TMEM232: variants seen among roughly 807,000 people sequenced by gnomAD.
TMEM232 encodes transmembrane protein 232.
TMEM232 carries 80 observed loss-of-function variants against 78.8 expected under a neutral mutation model. The ratio of observed to expected loss-of-function variants is 1.01; its 90% CI spans 0.85 to 1.22. TMEM232 has a LOEUF of 1.22. Ranked by LOEUF, TMEM232 falls within the 50% of genes most tolerant of loss-of-function variation. The pLI is 0.00. For synonymous variants in TMEM232, 297 were observed against 254.3 expected, an observed-to-expected ratio of 1.17 and a Z score of -1.60; for missense variants, 881 against 742.2, an observed-to-expected ratio of 1.19 and a Z score of -2.17.
intron 10 of TMEM232, among the ~76,000 whole-genome samples, chr5:110,594,586 C>T (rs928368550): frequency 1.3e-5 from 2 of 152,182 alleles, no homozygotes; most frequent in Admixed American, 6.5e-5. Context: ...GCACAGCAGT[C>T]TGAAGGCAGC....
In TMEM232 at chr5:110,698,778, A is replaced by T. The variant is rs531133215; in HGVS notation, c.-13+27849T>A. 1.1e-4 allele frequency among the ~76,000 whole-genome samples: 17 copies of T among 152,222 alleles called. 2 individuals are homozygous for T. The South Asian group carries it at 2.7e-3, about 24-fold the overall frequency. ...TTCTAAATTGCTACGAAGAAAGGAA[A>T]GAAAAGTAAGGTCAACCAAGCATTG... On this transcript the variant is annotated intron_variant, in intron 1 of 13. Coordinates refer to ENST00000455884, the MANE Select transcript of TMEM232 (RefSeq NM_001039763.4).
chr5:110,533,919 A>G (rs1771930331), intron 11 of TMEM232, among the ~76,000 whole-genome samples: 1 of 151,702 alleles, frequency 6.6e-6, no homozygotes, highest in Non-Finnish European at 1.5e-5. Context: ...GTTCCTTTCC[A>G]TCGTAGAAAT....
chr5:110,443,554 C>T (rs1321216173), intron 12 of TMEM232, among the ~76,000 whole-genome samples: 3 of 152,146 alleles, frequency 2.0e-5, no homozygotes, highest in Admixed American at 1.3e-4. Flanking sequence ...CTTGGGGACA[C>T]CAAGAGCCTG....
chr5:110,709,663 A>C (rs1796275925), intron 1 of TMEM232, among the ~76,000 whole-genome samples: 1 of 152,138 alleles, frequency 6.6e-6, no homozygotes, highest in African/African-American at 2.4e-5. Context: ...TTAAGGTGGA[A>C]ATTTAAAAAT....
intron 12 of TMEM232, among the ~76,000 whole-genome samples, chr5:110,477,860 G>C (rs976984089): frequency 6.7e-6 from 1 of 149,132 alleles, no homozygotes; most frequent in African/African-American, 2.6e-5. Flanking sequence ...CTCTGAAAAT[G>C]TAAGTTTTGC....
At chr5:110,551,783 A>T (rs1322238451) in intron 11 of TMEM232, among the ~76,000 whole-genome samples, 1 of 152,184 alleles carries the variant, frequency 6.6e-6, no homozygotes, top group Non-Finnish European at 1.5e-5. Flanking sequence ...TAAAATGAAG[A>T]ACTATTGGGC....
chr5:110,683,387 C>A (rs960738539), intron 1 of TMEM232, among the ~76,000 whole-genome samples: 1 of 151,752 alleles, frequency 6.6e-6, no homozygotes, highest in Non-Finnish European at 1.5e-5. Context: ...GAGATACACA[C>A]ACACACATAT....
rs184241890 is a variant in TMEM232 at position 110,596,713 on chromosome 5, C to T, written c.1276+8396G>A. The stretch of plus-strand genomic sequence containing the variant: ...TGGGATGAAAGGCTGGTTCAATATA[C>T]GCTAATCAATAAATGTAATCCAGCA... On this transcript the variant is annotated intron_variant, in intron 10 of 13. Coordinates refer to ENST00000455884, the MANE Select transcript of TMEM232 (RefSeq NM_001039763.4). Among the ~76,000 whole-genome samples the T allele has an allele frequency of 7.5e-3, 1,138 of 152,188 alleles. 14 individuals are homozygous for T. The highest frequency in any genetic ancestry group is 0.025 in the African/African-American group (1,055 of 41,512).
chr5:110,642,439 A>C (rs1268724035), intron 2 of TMEM232, 68 bp from the exon 3 acceptor site: 2 of 1,079,942 alleles, frequency 1.9e-6, no homozygotes, highest in African/African-American at 3.3e-5. Flanking sequence ...CAATTAATCA[A>C]CTTCCAGTGG....
chr5:110,528,121 A>G (rs1770871583), intron 12 of TMEM232, among the ~76,000 whole-genome samples: 1 of 151,910 alleles, frequency 6.6e-6, no homozygotes, highest in Admixed American at 6.6e-5. Flanking sequence ...CCTAAGTCCA[A>G]TGTTTCCCGG....
intron 4 of TMEM232, 100 bp from the exon 5 acceptor site, chr5:110,638,455 A>T: frequency 8.6e-7 from 1 of 1,160,700 alleles, no homozygotes; most frequent in Non-Finnish European, 1.2e-6. Context: ...CATTAAGACC[A>T]AATTGCAGTT....
intron 1 of TMEM232, among the ~76,000 whole-genome samples, chr5:110,708,427 T>A (rs1198838483): frequency 6.6e-6 from 1 of 152,148 alleles, no homozygotes; most frequent in Non-Finnish European, 1.5e-5. Flanking sequence ...ATAGTAGGCA[T>A]GCAGAAAAAT....
At chr5:110,652,561 T>C (rs1314749381) in intron 2 of TMEM232, among the ~76,000 whole-genome samples, 1 of 152,218 alleles carries the variant, frequency 6.6e-6, no homozygotes, top group East Asian at 1.9e-4. Flanking sequence ...ATTGAAAACA[T>C]GGAAAGCTAA....
At chr5:110,661,291 C>A (rs1016814183) in intron 2 of TMEM232, among the ~76,000 whole-genome samples, 2 of 152,134 alleles carry the variant, frequency 1.3e-5, no homozygotes, top group African/African-American at 2.4e-5. Context: ...CTACAAGTAA[C>A]ATGAGAGGAC....
At chr5:110,411,700 C>A (rs1208985932) in intron 2 of TMEM232, among the ~76,000 whole-genome samples, 1 of 152,130 alleles carries the variant, frequency 6.6e-6, no homozygotes, top group African/African-American at 2.4e-5. Flanking sequence ...TTTGTCTTTT[C>A]ATAATAGTCT....
chr5:110,677,521 A>C (rs1381095887), intron 1 of TMEM232, among the ~76,000 whole-genome samples: 1 of 152,222 alleles, frequency 6.6e-6, no homozygotes, highest in Admixed American at 6.5e-5. Flanking sequence ...TTATCATTGA[A>C]GTGGGTGATA....
chr5:110,489,260 A>G (rs1031715738), intron 12 of TMEM232, among the ~76,000 whole-genome samples: 3 of 151,842 alleles, frequency 2.0e-5, no homozygotes, highest in African/African-American at 4.8e-5. Flanking sequence ...AGAAATAAAA[A>G]TCTTAAGTAA....
intron 12 of TMEM232, among the ~76,000 whole-genome samples, chr5:110,458,178 T>C (rs1333119657): frequency 2.6e-5 from 4 of 152,082 alleles, no homozygotes; most frequent in Non-Finnish European, 5.9e-5. Context: ...AATTTTAAGT[T>C]GATATTTTTG....
At chr5:110,563,429 T>C (rs552607402) in intron 11 of TMEM232, among the ~76,000 whole-genome samples, 1 of 151,866 alleles carries the variant, frequency 6.6e-6, no homozygotes, top group Non-Finnish European at 1.5e-5. Context: ...TTGACTTAGT[T>C]ATAGTATAAT....
Sources: allele counts gnomAD v4.1 joint callset (sites outside exome capture counted in the v4.1 genomes callset), GRCh38; gene constraint gnomAD v4.1.1; transcripts MANE v1.5; gene names NCBI Gene and HGNC (gene_info 2026-07-23, HGNC 2026-07-21).